Variants in LPP observed in about 807,000 individuals in gnomAD.
LPP encodes lipoma-preferred partner.
In LPP, 38 loss-of-function variants were observed where a neutral mutation model predicts 60.4. The ratio of observed to expected loss-of-function variants is 0.63; its 90% CI spans 0.49 to 0.83. The LOEUF (loss-of-function observed/expected upper bound fraction) is 0.83. Among genes scored for constraint, LPP ranks in the 40% least tolerant of loss-of-function variants. The pLI is 0.00. For synonymous variants in LPP, 328 were observed against 290.8 expected (o/e 1.13, Z -1.30); for missense variants, 902 against 783.6 (o/e 1.15, Z -1.80).
chr3:188,428,929 C>T (rs1790199904), intron 4 of LPP, among the ~76,000 whole-genome samples: 1 of 152,236 alleles, frequency 6.6e-6, no homozygotes, highest in Admixed American at 6.5e-5. Context: ...AACCTGATCA[C>T]GTCTTTATAA....
At chr3:188,678,919 C>T (rs1201583787) in intron 7 of LPP, among the ~76,000 whole-genome samples, 1 of 152,226 alleles carries the variant, frequency 6.6e-6, no homozygotes, top group Non-Finnish European at 1.5e-5. Context: ...ACTGTCTCCT[C>T]ACTTGAAGAA....
chr3:188,627,024 G>A (rs936572651), intron 7 of LPP, among the ~76,000 whole-genome samples: 3 of 152,162 alleles, frequency 2.0e-5, no homozygotes, highest in African/African-American at 7.2e-5. Flanking sequence ...ATTTTTAGCA[G>A]CATATTCATT....
At chr3:188,203,533 A>ATATT (rs1214081681) in intron 1 of LPP, among the ~76,000 whole-genome samples, 141 of 91,092 alleles carry the variant, frequency 1.5e-3, no homozygotes, top group African/African-American at 2.1e-3. Context: ...ATAAATATAT[A>ATATT]TTTAAATATA....
chr3:188,205,474 G>GA (rs1560109445), intron 1 of LPP, among the ~76,000 whole-genome samples: 1 of 151,910 alleles, frequency 6.6e-6, no homozygotes, highest in Non-Finnish European at 1.5e-5. Context: ...TAGAGACGGG[G>GA]TTTCACCGTG....
At chr3:188,351,343 T>C (rs756577452) in intron 3 of LPP, among the ~76,000 whole-genome samples, 2 of 152,170 alleles carry the variant, frequency 1.3e-5, no homozygotes, top group Non-Finnish European at 2.9e-5. Flanking sequence ...AAGAAATGAC[T>C]TACTTAAATT....
intron 6 of LPP, among the ~76,000 whole-genome samples, chr3:188,607,740 T>C (rs1275714598): frequency 6.6e-6 from 1 of 152,140 alleles, no homozygotes; most frequent in East Asian, 1.9e-4. Context: ...AGCTGTAGTC[T>C]GCCCCCAAAA....
chr3:188,713,531 C>T (rs1577152882), intron 8 of LPP, among the ~76,000 whole-genome samples: 1 of 151,886 alleles, frequency 6.6e-6, no homozygotes, highest in Non-Finnish European at 1.5e-5. Flanking sequence ...TTTTTATGAG[C>T]TATTTGTTGC....
intron 1 of LPP, among the ~76,000 whole-genome samples, chr3:188,171,176 A>G (rs747438223): frequency 2.0e-5 from 3 of 152,158 alleles, no homozygotes; most frequent in Non-Finnish European, 4.4e-5. Context: ...TTGAATTTGA[A>G]TGTTTACTAA....
chr3:188,179,706 G>C (rs1160879837), intron 1 of LPP: 6 of 350,906 alleles, frequency 1.7e-5, no homozygotes, highest in Non-Finnish European at 3.4e-5. Context: ...TGTGGCCTCT[G>C]GTTGTGAGAA....
chr3:188,838,008 T>C (rs777189652), intron 9 of LPP, among the ~76,000 whole-genome samples: 57 of 152,150 alleles, frequency 3.7e-4, no homozygotes, highest in Non-Finnish European at 6.5e-4. Context: ...ACTCAACATA[T>C]GCAAACTTGT....
chr3:188,208,978 G>A (rs576021844), intron 1 of LPP, among the ~76,000 whole-genome samples: 53 of 152,232 alleles, frequency 3.5e-4, no homozygotes, highest in African/African-American at 1.2e-3. Flanking sequence ...CTTTTCCATA[G>A]GGCTTTCACT....
rs764450836 is a variant in LPP, at chr3:188,572,580, T to G, written c.430-36581T>G. Among the ~76,000 whole-genome samples the G allele has an allele frequency of 1.1e-4, 16 of 152,078 alleles. No individual in the cohort carries two copies. Among genetic ancestry groups the G allele is most frequent in the Non-Finnish European group, 2.2e-4 (15 of 67,994 alleles). ...ACTGTATCATTATGACTTACTGAAT[T>G]TCATTCAGTAAATATTGCATGAAAT... On this transcript the variant is annotated intron_variant, in intron 6 of 11. Transcript: ENST00000617246. This position sits in a 1 kb window ranked among gnomAD's most constrained non-coding sequence, Gnocchi z 4.1.
At chr3:188,320,364 G>A (rs1437294470) in intron 2 of LPP, among the ~76,000 whole-genome samples, 3 of 152,186 alleles carry the variant, frequency 2.0e-5, no homozygotes, top group East Asian at 1.9e-4. Context: ...ACAATGTTGC[G>A]ATTTGCTACA....
intron 4 of LPP, among the ~76,000 whole-genome samples, chr3:188,435,315 A>G (rs1373359790): frequency 1.3e-5 from 2 of 152,076 alleles, no homozygotes; most frequent in Admixed American, 1.3e-4. Flanking sequence ...ACAAGGGTTT[A>G]CTTTTTACCA....
chr3:188,718,341 C>T (rs1020131011), intron 8 of LPP, among the ~76,000 whole-genome samples: 3 of 152,170 alleles, frequency 2.0e-5, no homozygotes, highest in Admixed American at 6.5e-5. Flanking sequence ...AATGGCAGGG[C>T]TGTTTACAAA....
At chr3:188,523,982 A>G (rs1316765900) in intron 5 of LPP, among the ~76,000 whole-genome samples, 5 of 151,950 alleles carry the variant, frequency 3.3e-5, no homozygotes, top group African/African-American at 4.8e-5. Flanking sequence ...GTTGTCCTCT[A>G]CTCTCCTGTT....
chr3:188,371,358 A>G (rs1400697101), intron 3 of LPP, among the ~76,000 whole-genome samples: 1 of 151,586 alleles, frequency 6.6e-6, no homozygotes, highest in East Asian at 1.9e-4. Flanking sequence ...TACCAAAATG[A>G]ATTAGACACA....
chr3:188,156,487 A>G (rs1716476490), intron 1 of LPP, among the ~76,000 whole-genome samples: 1 of 152,216 alleles, frequency 6.6e-6, no homozygotes, highest in South Asian at 2.1e-4. Context: ...AGGTACTGGC[A>G]TCGAGAAGCC....
At chr3:188,672,530 G>C (rs1298763358) in intron 7 of LPP, among the ~76,000 whole-genome samples, 1 of 152,202 alleles carries the variant, frequency 6.6e-6, no homozygotes, top group African/African-American at 2.4e-5. Context: ...CTTACAGTGT[G>C]TGTACGTTGA....
Sources: allele counts gnomAD v4.1 joint callset (sites outside exome capture counted in the v4.1 genomes callset), GRCh38; gene constraint gnomAD v4.1.1; non-coding constraint Gnocchi (gnomAD v3.1); transcripts MANE v1.5; gene names NCBI Gene and HGNC (gene_info 2026-07-23, HGNC 2026-07-21).